DNAJC21: variants seen among roughly 807,000 people sequenced by gnomAD.
The protein encoded by DNAJC21 is dnaJ homolog subfamily C member 21.
DNAJC21 carries 63 observed loss-of-function variants against 72.4 expected under a neutral mutation model. The observed-to-expected ratio is 0.87, with a 90% CI of 0.71 to 1.07. DNAJC21 has a LOEUF of 1.07. DNAJC21 is among the 50% of genes least tolerant of loss of function. The probability of loss-of-function intolerance (pLI) is 0.00; values close to 1 mark genes in which losing one functional copy is unlikely to be tolerated. For synonymous variants in DNAJC21, 203 were observed against 216.7 expected (o/e 0.94, Z 0.56); for missense variants, 634 against 644.8 (o/e 0.98, Z 0.18).
intron 10 of DNAJC21, 67 bp from the exon 11 acceptor site, chr5:34,953,859 C>T: frequency 8.2e-7 from 1 of 1,214,784 alleles, no homozygotes; most frequent in South Asian, 1.6e-5. Flanking sequence ...TTCTAGAGAG[C>T]ACTCAAATAA....
chr5:34,933,774 T>G, intron 1 of DNAJC21, 41 bp from the exon 2 acceptor site: 1 of 1,523,996 alleles, frequency 6.6e-7, no homozygotes, highest in Middle Eastern at 1.7e-4. Context: ...GATTCTGTCC[T>G]GTACGTTTTT....
chr5:34,940,828 A>T (rs1228867786), intron 6 of DNAJC21, among the ~76,000 whole-genome samples: 2 of 152,208 alleles, frequency 1.3e-5, no homozygotes, highest in Non-Finnish European at 2.9e-5. Flanking sequence ...AGTGGGATTT[A>T]ATTTTTTAAA....
Position 34,937,368 on chromosome 5 carries a change from C to G in DNAJC21, c.481C>G (p.Gln161Glu), listed in dbSNP as rs1435100290. 8 of 1,613,398 alleles carry G rather than the reference C, an allele frequency of 5.0e-6. No individual in the cohort carries two copies. The highest frequency in any genetic ancestry group is 6.8e-6 in the Non-Finnish European group (8 of 1,179,902). The stretch of plus-strand genomic sequence containing the variant: ...CGCTTATTGGCAGAGTTTCTGCACT[C>G]AAAAGAATTTTGCATGGAAGGAAGA... Reference protein sequence around the residue: ...FYAYWQSFCTQKNFAWKEEYD... With the variant: ...FYAYWQSFCTEKNFAWKEEYD... Residue 161 changes from glutamine (Q) to glutamate (E), a missense_variant, in exon 5 of 12, where the codon CAA becomes GAA. Coordinates refer to ENST00000648817, the MANE Select transcript of DNAJC21 (RefSeq NM_001012339.3).
In DNAJC21 at chr5:34,929,928, T is replaced by A. The variant is rs115062931; in HGVS notation, c.97+12T>A. 1.9e-6 allele frequency: 3 copies of A among 1,557,646 alleles called. No individual in the cohort carries two copies. Among genetic ancestry groups the A allele is most frequent in the Admixed American group, 1.8e-5 (1 of 55,158 alleles). ...GAAATGGCACCCGGGTAAGTACCTG[T>A]CCCGCAGCCCCCGCGGCCACTCGGA... On this transcript the variant is annotated intron_variant, in intron 1 of 11. Coordinates refer to ENST00000648817, the MANE Select transcript of DNAJC21 (RefSeq NM_001012339.3).
Position 34,957,455 on chromosome 5 carries a change from C to A in DNAJC21, c.*2741C>A, listed in dbSNP as rs1341280524. 6.6e-6 allele frequency: 1 copy of A among 151,958 alleles called. No individual in the cohort carries two copies. The highest frequency in any genetic ancestry group is 2.4e-5 in the African/African-American group (1 of 41,320). The allele number at this position is 151,958 out of a possible 1,614,324, so 9.4% of individuals were successfully genotyped here. A position where few individuals can be genotyped will look rare whatever the true frequency, so the allele number is the denominator to read the frequency against. Reference sequence around the variant, plus strand: ...GCTCTAGCCAAGCATTTTTCTAATTCCTGCCTTTGGTCACAAAGAAGGAAA... The same window carrying A: ...GCTCTAGCCAAGCATTTTTCTAATTACTGCCTTTGGTCACAAAGAAGGAAA... On this transcript the variant is annotated 3_prime_UTR_variant, in exon 12 of 12. Transcript: ENST00000648817.
At chr5:34,954,404 G>C (rs1013641742) in intron 11 of DNAJC21, 149 bp from the exon 12 acceptor site, 12 of 914,494 alleles carry the variant, frequency 1.3e-5, no homozygotes, top group Non-Finnish European at 1.9e-5. Flanking sequence ...AAGAACATCT[G>C]CCTTTGTTGA....
chr5:34,953,279 C>T (rs1007696616), intron 10 of DNAJC21, among the ~76,000 whole-genome samples: 1 of 151,436 alleles, frequency 6.6e-6, no homozygotes, highest in African/African-American at 2.4e-5. Flanking sequence ...TTTTTTTCCC[C>T]CTGAAACAGT....
chr5:34,950,510 G>A (rs1303893275), intron 10 of DNAJC21, 168 bp downstream of exon 10: 10 of 1,278,000 alleles, frequency 7.8e-6, no homozygotes, highest in Non-Finnish European at 9.9e-6. Flanking sequence ...CAGATGAAGA[G>A]CGTTGAGAAG....
intron 1 of DNAJC21, among the ~76,000 whole-genome samples, chr5:34,932,434 A>C (rs916507962): frequency 1.3e-5 from 2 of 152,176 alleles, no homozygotes; most frequent in Non-Finnish European, 2.9e-5. Flanking sequence ...AAAAAAAAAA[A>C]AACGAACTTT....
In DNAJC21 at chr5:34,935,845, G is replaced by A. The variant is rs759974122; in HGVS notation, c.315+12G>A. 3.7e-6 allele frequency: 6 copies of A among 1,613,588 alleles called. No homozygotes were observed. In the South Asian group the frequency reaches 6.6e-5, roughly 18 times the overall value. On this transcript the variant is annotated intron_variant, in intron 3 of 11. Coordinates refer to ENST00000648817, the MANE Select transcript of DNAJC21 (RefSeq NM_001012339.3). ...GAGATGATGAAAAGGTAAGATAAAT[G>A]AACTCACCCTTGATTTCTCATCAAG...
intron 7 of DNAJC21, 140 bp from the exon 8 acceptor site, chr5:34,944,727 A>AG: frequency 8.1e-7 from 1 of 1,229,784 alleles, no homozygotes; most frequent in Non-Finnish European, 1.1e-6. Context: ...ATAAAAAAAA[A>AG]GAAAAAAATA....
At position 34,936,169 on chromosome 5, in the gene DNAJC21, T is replaced by G; in HGVS notation, c.341T>G (p.Val114Gly). 1 of 1,614,028 alleles carries G rather than the reference T, an allele frequency of 6.2e-7. No individual in the cohort carries two copies. Among genetic ancestry groups the G allele is most frequent in the Non-Finnish European group, 8.5e-7 (1 of 1,179,964 alleles). ...EKGFYTVYRN[V>G]FEMIAKEELE... ...GGATTTTACACGGTGTATCGTAATG[T>G]TTTTGAAATGATTGCCAAGGAAGAA... The change falls in exon 4 of 12, where the codon GTT (valine) becomes GGT (glycine). Residue 114 changes from valine to glycine, a missense_variant. By Grantham distance (109) the Val-to-Gly change is moderately radical. Transcript: ENST00000648817.
At chr5:34,951,031 A>G (rs1216440334) in intron 10 of DNAJC21, 3 of 985,284 alleles carry the variant, frequency 3.0e-6, no homozygotes, top group African/African-American at 3.5e-5. Context: ...TGAGAGAGCA[A>G]AGTGGGAGCA....
chr5:34,934,230 G>A (rs535009533), intron 2 of DNAJC21, among the ~76,000 whole-genome samples: 10 of 151,906 alleles, frequency 6.6e-5, no homozygotes, highest in Admixed American at 5.3e-4. Context: ...GAAGGTTTTC[G>A]TTTTTTGTTT....
intron 5 of DNAJC21, 106 bp from the exon 6 acceptor site, chr5:34,938,752 G>C: frequency 2.1e-5 from 27 of 1,256,846 alleles, no homozygotes; most frequent in Non-Finnish European, 2.8e-5. Context: ...AGCGTGGATA[G>C]GTTGGGAGCA....
rs1765539739 is a variant in DNAJC21, at chr5:34,956,373, T to G, written c.*1659T>G. 1 of 152,206 alleles carries G rather than the reference T, an allele frequency of 6.6e-6. No individual in the cohort carries two copies. The highest frequency in any genetic ancestry group is 1.5e-5 in the Non-Finnish European group (1 of 68,042). The allele number at this position is 152,206 out of a possible 1,614,324, so 9.4% of individuals were successfully genotyped here. The stretch of plus-strand genomic sequence containing the variant: ...TTTCTTTACCTTCATACCTTTCTAT[T>G]TCTTGCTAATTTCTATCACTAATTC... On this transcript the variant is annotated 3_prime_UTR_variant, in exon 12 of 12. Transcript: ENST00000648817.
At position 34,955,990 on chromosome 5, in the gene DNAJC21, T is replaced by C. The variant is rs1260742232; in HGVS notation, c.*1276T>C. ...ATGGCGTGAACCCGGGAGGCGGAGC[T>C]TGCAGTGAGCCGAGATCCCGCCACT... is the stretch of plus-strand genomic sequence containing the variant. On this transcript the variant is annotated 3_prime_UTR_variant, in exon 12 of 12. Transcript: ENST00000648817. The C allele has an allele frequency of 7.0e-6, 1 of 143,662 alleles. No individual in the cohort carries two copies. Among genetic ancestry groups the C allele is most frequent in the Non-Finnish European group, 1.5e-5 (1 of 66,332 alleles). The allele number at this position is 143,662 out of a possible 1,614,324, so 8.9% of individuals were successfully genotyped here.
At chr5:34,944,542 C>T (rs1333661475) in intron 7 of DNAJC21, among the ~76,000 whole-genome samples, 2 of 150,922 alleles carry the variant, frequency 1.3e-5, no homozygotes, top group East Asian at 3.9e-4. Context: ...TCCAAACCTC[C>T]CCCTGCCGAC....
intron 11 of DNAJC21, 81 bp from the exon 12 acceptor site, chr5:34,954,472 C>T: frequency 7.0e-7 from 1 of 1,437,058 alleles, no homozygotes; most frequent in Non-Finnish European, 9.3e-7. Flanking sequence ...TTGTTTGATG[C>T]TTAATCTTGA....
Sources: gnomAD v4.1 joint callset for allele counts (sites outside exome capture counted in the v4.1 genomes callset) on GRCh38, gnomAD v4.1.1 for gene constraint, MANE v1.5 for transcripts, NCBI Gene and HGNC (gene_info 2026-07-23, HGNC 2026-07-21) for gene names.